The following KATNAL2 variants were observed in gnomAD, a reference collection of about 807,000 sequenced individuals.
KATNAL2 encodes the protein katanin p60 ATPase-containing subunit A-like 2.
KATNAL2 carries 52 observed loss-of-function variants against 76.3 expected under a neutral mutation model. That is an observed-to-expected ratio of 0.68 (90% CI 0.55 to 0.86). The LOEUF is 0.86. Among genes scored for constraint, KATNAL2 ranks in the 40% least tolerant of loss-of-function variants. The probability of loss-of-function intolerance (pLI) is 0.00; values close to 1 mark genes in which losing one functional copy is unlikely to be tolerated. For missense variants in KATNAL2, 660 were observed against 668.9 expected (o/e 0.99, Z 0.15); for synonymous variants, 243 against 244.2 (o/e 1.00, Z 0.05).
At chr18:47,032,185 G>C (rs1190327989) in intron 3 of KATNAL2, among the ~76,000 whole-genome samples, 1 of 152,172 alleles carries the variant, frequency 6.6e-6, no homozygotes, top group Non-Finnish European at 1.5e-5. Context: ...AACTATTTTG[G>C]CTTAACGCAT....
At chr18:46,946,679 G>A (rs2059388748) in intron 2 of KATNAL2, 133 bp downstream of exon 2, 5 of 1,054,388 alleles carry the variant, frequency 4.7e-6, no homozygotes, top group African/African-American at 3.2e-5. Context: ...AAACACTCTG[G>A]ATTAAACATG....
In KATNAL2 at chr18:46,928,247, G is replaced by A. The variant is rs193063721; in HGVS notation, c.-510+10321G>A. On this transcript the variant is annotated intron_variant, in intron 1 of 17. Transcript: ENST00000683218. ...ACCTTTGGTCTTTGATGATGGTGAC[G>A]TACAGATGGGTTTTTGGTGTGGATG... 7.4e-3 allele frequency among the ~76,000 whole-genome samples: 1,120 copies of A among 152,114 alleles called. 14 individuals carry two copies. Among genetic ancestry groups the A allele is most frequent in the African/African-American group, 0.026 (1,080 of 41,478 alleles).
chr18:46,920,113 T>C (rs2058455506), intron 1 of KATNAL2: 3 of 1,288,854 alleles, frequency 2.3e-6, no homozygotes, highest in Non-Finnish European at 3.0e-6. Flanking sequence ...TTCCTCAATG[T>C]GTAGCAGCTC....
At chr18:46,967,502 T>TGTGTGTGC (rs1555839412) in intron 3 of KATNAL2, among the ~76,000 whole-genome samples, 2 of 102,008 alleles carry the variant, frequency 2.0e-5, no homozygotes, top group Admixed American at 8.7e-5. Flanking sequence ...TGTGTGTGTG[T>TGTGTGTGC]GCGCGCGCGC....
intron 4 of KATNAL2, among the ~76,000 whole-genome samples, chr18:47,047,960 A>C (rs116613691): frequency 6.6e-6 from 1 of 152,060 alleles, no homozygotes; most frequent in East Asian, 1.9e-4. Context: ...TCCTGCCTCA[A>C]CCTCCCAGTC....
intron 14 of KATNAL2, among the ~76,000 whole-genome samples, chr18:47,077,071 C>T (rs145782839): frequency 1.3e-5 from 2 of 152,080 alleles, no homozygotes; most frequent in African/African-American, 2.4e-5. Context: ...ATTTAATCTA[C>T]CAGTGGGACT....
intron 1 of KATNAL2, among the ~76,000 whole-genome samples, chr18:46,942,448 C>T (rs1451125007): frequency 1.3e-5 from 2 of 152,090 alleles, no homozygotes; most frequent in Non-Finnish European, 2.9e-5. Context: ...AACCCTGTCT[C>T]TACTAAAATA....
At chr18:46,918,550 G>C (rs1415532676) in intron 1 of KATNAL2, among the ~76,000 whole-genome samples, 1 of 152,108 alleles carries the variant, frequency 6.6e-6, no homozygotes, top group Non-Finnish European at 1.5e-5. Flanking sequence ...TGCCTCCCGG[G>C]TTCAAGCGAT....
chr18:47,033,977 A>T (rs749629441), intron 3 of KATNAL2: 1 of 1,613,412 alleles, frequency 6.2e-7, no homozygotes, highest in Non-Finnish European at 8.5e-7. Flanking sequence ...ACAGGAGGCA[A>T]TTTCTTAGCC....
chr18:47,048,463 G>C (rs894507917), intron 4 of KATNAL2, among the ~76,000 whole-genome samples: 2 of 152,156 alleles, frequency 1.3e-5, no homozygotes, highest in African/African-American at 4.8e-5. Context: ...AGAAGGAAAT[G>C]AGTGCCCCCG....
chr18:46,953,022 G>A (rs2059615505), intron 3 of KATNAL2, among the ~76,000 whole-genome samples: 1 of 150,874 alleles, frequency 6.6e-6, no homozygotes, highest in Non-Finnish European at 1.5e-5. Context: ...AGCCTTCTGA[G>A]TAACTGGGAC....
chr18:47,036,632 T>C (rs1033997994), intron 3 of KATNAL2, among the ~76,000 whole-genome samples: 33 of 152,272 alleles, frequency 2.2e-4, no homozygotes, highest in African/African-American at 7.5e-4. Context: ...TGTCTCTAGC[T>C]ATTATTGTTG....
intron 3 of KATNAL2, among the ~76,000 whole-genome samples, chr18:46,958,402 G>A (rs140469197): frequency 6.6e-6 from 1 of 151,900 alleles, no homozygotes; most frequent in African/African-American, 2.4e-5. Context: ...AAATAATCTA[G>A]TACAAAATAA....
intron 6 of KATNAL2, among the ~76,000 whole-genome samples, chr18:47,055,876 T>C (rs2061457858): frequency 6.6e-6 from 1 of 152,222 alleles, no homozygotes; most frequent in African/African-American, 2.4e-5. Context: ...CCTCAGCTCC[T>C]CTCTGAGTAG....
At chr18:46,930,568 C>A (rs977459602) in intron 1 of KATNAL2, among the ~76,000 whole-genome samples, 1 of 152,200 alleles carries the variant, frequency 6.6e-6, no homozygotes, top group Non-Finnish European at 1.5e-5. Flanking sequence ...ATAATCCCAG[C>A]ACTATGGGAG....
At chr18:47,080,617 C>G (rs1306374067) in intron 15 of KATNAL2, among the ~76,000 whole-genome samples, 1 of 152,178 alleles carries the variant, frequency 6.6e-6, no homozygotes. Context: ...AACTGTTTTA[C>G]AAAGATGTTG....
chr18:47,101,050 C>T lies in KATNAL2; in HGVS notation c.*45C>T, dbSNP rs1199278521. On this transcript the variant is annotated 3_prime_UTR_variant, in exon 18 of 18. Coordinates refer to ENST00000683218, the MANE Select transcript of KATNAL2 (RefSeq NM_001387690.1). ...TGGCCACAAAGGCAACCACAAAGAC[C>T]TCCTAGTTTATTAATGTCCGTGGGA... The T allele has an allele frequency of 2.5e-6, 4 of 1,604,282 alleles. No individual in the cohort carries two copies. The highest frequency in any genetic ancestry group is 3.4e-6 in the Non-Finnish European group (4 of 1,172,892).
At position 47,033,905 on chromosome 18, in the gene KATNAL2, C is replaced by A; in HGVS notation, c.52-12552C>A. 8 of 1,613,254 alleles carry A rather than the reference C, an allele frequency of 5.0e-6. No homozygotes were observed. Among genetic ancestry groups the A allele is most frequent in the Non-Finnish European group, 6.8e-6 (8 of 1,180,016 alleles). Reference sequence around the variant, plus strand: ...AGCTCTGAGAAGACATGGCTGGGCACCGTTTTCGGCCCGGCGGAATCAGCG... The same window carrying A: ...AGCTCTGAGAAGACATGGCTGGGCAACGTTTTCGGCCCGGCGGAATCAGCG... On this transcript the variant is annotated intron_variant, in intron 3 of 17. Coordinates refer to ENST00000683218, the MANE Select transcript of KATNAL2 (RefSeq NM_001387690.1).
At position 47,059,090 on chromosome 18, in the gene KATNAL2, C is replaced by G. The variant is rs540487824; in HGVS notation, c.451-466C>G. Among the ~76,000 whole-genome samples the G allele has an allele frequency of 1.5e-3, 222 of 152,340 alleles. 2 individuals are homozygous for G. Among genetic ancestry groups the G allele is most frequent in the Admixed American group, 3.0e-3 (46 of 15,304 alleles). ...CAATATCCGATTGGTCAAAAGGATT[C>G]TCTCCCCCTCAAGGAGGTCCTACGG... On this transcript the variant is annotated intron_variant, in intron 7 of 17. Transcript: ENST00000683218.
Sources: gnomAD v4.1 joint callset for allele counts (sites outside exome capture counted in the v4.1 genomes callset) on GRCh38, gnomAD v4.1.1 for gene constraint, MANE v1.5 for transcripts, NCBI Gene and HGNC (gene_info 2026-07-23, HGNC 2026-07-21) for gene names.